The following CABIN1 variants were observed in gnomAD, a reference collection of about 807,000 sequenced individuals.
CABIN1 encodes the protein calcineurin-binding protein cabin-1.
Under a neutral mutation model 227.7 loss-of-function variants are expected in CABIN1, and 133 were observed. The observed-to-expected ratio is 0.58, with a 90% CI of 0.51 to 0.67. The LOEUF (loss-of-function observed/expected upper bound fraction) is 0.67. Among genes scored for constraint, CABIN1 ranks in the 30% least tolerant of loss-of-function variants. CABIN1 has a pLI of 0.00. For synonymous variants in CABIN1, 1,086 were observed against 1,155.1 expected (o/e 0.94, Z 1.21); for missense variants, 2,408 against 2,852.5 (o/e 0.84, Z 3.55).
chr22:24,035,081 T>G (rs2036767476), intron 1 of CABIN1, among the ~76,000 whole-genome samples: 1 of 152,248 alleles, frequency 6.6e-6, no homozygotes, highest in Non-Finnish European at 1.5e-5. Flanking sequence ...TCCTTTGCCT[T>G]CCTTAATCGC....
Position 24,167,005 on chromosome 22 carries a change from A to G in CABIN1, c.5374A>G (p.Ser1792Gly), listed in dbSNP as rs952073596. 14 of 1,562,060 alleles carry G rather than the reference A, an allele frequency of 9.0e-6. No homozygotes were observed. Among genetic ancestry groups the G allele is most frequent in the African/African-American group, 1.4e-5 (1 of 73,648 alleles). ...CCCCGCAAGGGACCGGGGCCCCGAG[A>G]GCCGGCCCACTGAGCTGTCCCTGGA... ...GRPARDRGPE[S>G]RPTELSLEEL... The change falls in exon 32 of 37, where the codon AGC becomes GGC. Residue 1792 changes from serine (S) to glycine (G), a missense_variant. Coordinates refer to ENST00000263119, the MANE Select transcript of CABIN1 (RefSeq NM_012295.4).
At position 24,098,290 on chromosome 22, in the gene CABIN1, G is replaced by C. The variant is rs540800005; in HGVS notation, c.4117+98G>C. ...TTTTGTCGCTTCGTTTTGGTGAGGG[G>C]GGGTGCTGGGTCTGGGGTGACACGG... On this transcript the variant is annotated intron_variant, in intron 26 of 36. Transcript: ENST00000263119. The C allele has an allele frequency of 9.6e-6, 15 of 1,567,208 alleles. No homozygotes were observed. The Admixed American group carries it at 1.7e-4, about 18-fold the overall frequency.
At chr22:24,096,496 A>G (rs889003739) in intron 25 of CABIN1, among the ~76,000 whole-genome samples, 13 of 152,118 alleles carry the variant, frequency 8.5e-5, no homozygotes, top group Non-Finnish European at 1.9e-4. Flanking sequence ...AGCAGTGGGA[A>G]GTGTGGGAAG....
chr22:24,136,222 T>C (rs1283808964), intron 29 of CABIN1, among the ~76,000 whole-genome samples: 1 of 152,148 alleles, frequency 6.6e-6, no homozygotes, highest in Admixed American at 6.5e-5. Flanking sequence ...CTTGTATTTT[T>C]TCGCTAAACA....
chr22:24,055,193 G>T, intron 9 of CABIN1, 34 bp downstream of exon 9: 1 of 1,601,970 alleles, frequency 6.2e-7, no homozygotes, highest in South Asian at 1.1e-5. Flanking sequence ...CTTCCGGGGA[G>T]ACCCCGTTCA....
chr22:24,062,863 G>C, intron 13 of CABIN1, 96 bp from the exon 14 acceptor site: 2 of 1,168,556 alleles, frequency 1.7e-6, no homozygotes, highest in Non-Finnish European at 1.3e-6. Flanking sequence ...CCTGGAGATA[G>C]GGTGGGTGTG....
chr22:24,033,233 A>G (rs947291859), intron 1 of CABIN1, among the ~76,000 whole-genome samples: 10 of 152,256 alleles, frequency 6.6e-5, no homozygotes, highest in African/African-American at 1.7e-4. Flanking sequence ...CCTTCCTTGC[A>G]TGAACCCTTA....
intron 31 of CABIN1, 27 bp downstream of exon 31, chr22:24,165,653 C>G (rs751999341): frequency 6.3e-7 from 1 of 1,586,616 alleles, no homozygotes; most frequent in Non-Finnish European, 8.6e-7. Context: ...CTCCTCTCCT[C>G]CACGGCCCAT....
At chr22:24,162,948 G>A (rs996905264) in intron 29 of CABIN1, among the ~76,000 whole-genome samples, 4 of 152,292 alleles carry the variant, frequency 2.6e-5, no homozygotes, top group African/African-American at 9.6e-5. Context: ...GCAGCACAGC[G>A]GATGGAGACC....
chr22:24,113,466 C>A, intron 26 of CABIN1, 100 bp from the exon 27 acceptor site: 1 of 1,133,610 alleles, frequency 8.8e-7, no homozygotes, highest in Non-Finnish European at 1.3e-6. Flanking sequence ...GCAAAGCAGT[C>A]CCCAGGCCAC....
In CABIN1 at chr22:24,050,915, G is replaced by A. The variant is rs189793859; in HGVS notation, c.747G>A (p.Ala249=). ...TGGGGCTGCGAAAAAAGAGGCAAGC[G>A]CTGATTGTGCGGGAGAAGGAGCCGG... ...EALGLRKKRQ[A]LIVREKEPDL... is the part of the protein sequence containing the mutation. Residue 249 remains alanine (A), a synonymous_variant, in exon 8 of 37, where the codon GCG becomes GCA. Transcript: ENST00000263119. The A allele has an allele frequency of 3.7e-6, 6 of 1,614,200 alleles. No homozygotes were observed. Among genetic ancestry groups the A allele is most frequent in the Admixed American group, 1.7e-5 (1 of 60,028 alleles).
chr22:24,088,915 G>C (rs2041356253), intron 23 of CABIN1, among the ~76,000 whole-genome samples: 1 of 152,132 alleles, frequency 6.6e-6, no homozygotes, highest in Admixed American at 6.5e-5. Flanking sequence ...TTTAACTGCT[G>C]TAACCCTATT....
chr22:24,069,051 A>G (rs2039898588), intron 16 of CABIN1, among the ~76,000 whole-genome samples: 1 of 152,192 alleles, frequency 6.6e-6, no homozygotes. Flanking sequence ...TTTTGCATTT[A>G]ACTTGTTTCA....
rs764314519 is a variant in CABIN1 at position 24,076,170 on chromosome 22, G to C, written c.2634G>C (p.Gly878=). The C allele has an allele frequency of 1.9e-6, 3 of 1,613,674 alleles. No individual in the cohort carries two copies. The highest frequency in any genetic ancestry group is 2.5e-6 in the Non-Finnish European group (3 of 1,179,562). Residue 878 remains glycine (G), a splice_region_variant and synonymous_variant, in exon 19 of 37, where the codon GGG becomes GGC. Transcript: ENST00000263119. The stretch of plus-strand genomic sequence containing the variant: ...TCTGTCGGCCTGGGCTTTCCCTAGG[G>C]ATGTCAGAGACGCCCATGCTCCCAT... ...QQQLQNPAEE[G]MSETPMLPSS... is the part of the protein sequence containing the mutation.
At chr22:24,118,853 CA>C (rs2043233822) in intron 27 of CABIN1, among the ~76,000 whole-genome samples, 1 of 152,232 alleles carries the variant, frequency 6.6e-6, no homozygotes, top group Non-Finnish European at 1.5e-5. Context: ...GGGCTCATGT[CA>C]CATGAGGGCC....
At chr22:24,161,181 G>A (rs920558040) in intron 29 of CABIN1, among the ~76,000 whole-genome samples, 6 of 152,200 alleles carry the variant, frequency 3.9e-5, no homozygotes, top group Non-Finnish European at 7.3e-5. Flanking sequence ...GCCTAGAGCC[G>A]TTCTGAAGGG....
chr22:24,125,430 A>T (rs894569665), intron 28 of CABIN1, among the ~76,000 whole-genome samples: 3 of 152,208 alleles, frequency 2.0e-5, no homozygotes, highest in Non-Finnish European at 2.9e-5. Flanking sequence ...GACCCGTAGA[A>T]GCCAGGACTA....
At chr22:24,062,796 A>G (rs995716379) in intron 13 of CABIN1, among the ~76,000 whole-genome samples, 163 bp from the exon 14 acceptor site, 3 of 151,882 alleles carry the variant, frequency 2.0e-5, no homozygotes, top group Admixed American at 6.5e-5. Context: ...AACTGGTCCA[A>G]CCTCTCTGAT....
rs1212736818 is a variant in CABIN1 at position 24,161,019 on chromosome 22, G to A, written c.4747-3381G>A. 2.0e-5 allele frequency among the ~76,000 whole-genome samples: 3 copies of A among 152,242 alleles called. No homozygotes were observed. The South Asian group carries it at 6.2e-4, about 32-fold the overall frequency. ...CATGGGACTCAGTGTTTGAGGCTCTGTTTCCTCAAGAGCAGAGGGAAGACC... is the reference window on the plus strand; with the variant it reads ...CATGGGACTCAGTGTTTGAGGCTCTATTTCCTCAAGAGCAGAGGGAAGACC... On this transcript the variant is annotated intron_variant, in intron 29 of 36. Transcript: ENST00000263119.
Sources: gnomAD v4.1 joint callset for allele counts (sites outside exome capture counted in the v4.1 genomes callset) on GRCh38, gnomAD v4.1.1 for gene constraint, MANE v1.5 for transcripts, NCBI Gene and HGNC (gene_info 2026-07-23, HGNC 2026-07-21) for gene names.